The following SH3KBP1 variants were observed in gnomAD, a reference collection of about 807,000 sequenced individuals.
SH3KBP1 encodes the protein SH3 domain-containing kinase-binding protein 1.
A neutral mutation model predicts 50.1 loss-of-function variants in SH3KBP1; 8 were observed. That is an observed-to-expected ratio of 0.16 (90% CI 0.09 to 0.29). SH3KBP1 has a LOEUF of 0.29. SH3KBP1 is among the 10% of genes least tolerant of loss of function. SH3KBP1 has a pLI of 1.00. For synonymous variants in SH3KBP1, 227 were observed against 218.6 expected, an observed-to-expected ratio of 1.04 and a Z score of -0.34; for missense variants, 377 against 535.2, an observed-to-expected ratio of 0.70 and a Z score of 2.92.
intron 1 of SH3KBP1, among the ~76,000 whole-genome samples, chrX:19,845,911 G>A (rs1039227432): frequency 1.8e-5 from 2 of 111,745 alleles, no homozygotes; most frequent in African/African-American, 3.3e-5. Flanking sequence ...TGCCTGGCCC[G>A]ATATTCTTAT....
At chrX:19,648,703 T>C (rs1271251702) in intron 6 of SH3KBP1, among the ~76,000 whole-genome samples, 1 of 110,743 alleles carries the variant, frequency 9.0e-6, no homozygotes, top group African/African-American at 3.3e-5. Flanking sequence ...TTAAAGGACA[T>C]TTAGCAACCC....
chrX:19,783,107 G>C (rs909394426), intron 2 of SH3KBP1, among the ~76,000 whole-genome samples: 1 of 111,957 alleles, frequency 8.9e-6, no homozygotes, highest in African/African-American at 3.3e-5. Context: ...GTGACAGAGC[G>C]AGACCCTGTC....
At chrX:19,638,335 A>G (rs1309360628) in intron 7 of SH3KBP1, among the ~76,000 whole-genome samples, 2 of 102,398 alleles carry the variant, frequency 2.0e-5, no homozygotes, top group African/African-American at 7.4e-5. Flanking sequence ...GTGTGAACCC[A>G]GGAGGCGGAG....
intron 6 of SH3KBP1, among the ~76,000 whole-genome samples, chrX:19,676,104 G>A (rs1295246605): frequency 4.5e-5 from 5 of 111,718 alleles, no homozygotes; most frequent in African/African-American, 9.8e-5. Flanking sequence ...CAACCAAAAC[G>A]AGGGACAGCC....
chrX:19,781,155 T>C (rs1440396996), intron 2 of SH3KBP1, among the ~76,000 whole-genome samples: 1 of 111,365 alleles, frequency 9.0e-6, no homozygotes, highest in African/African-American at 3.3e-5. Context: ...ATATATTAAG[T>C]GGACAAGGGA....
At position 19,594,959 on chromosome X, in the gene SH3KBP1, T is replaced by C. The variant is rs1001501628; in HGVS notation, c.1047A>G (p.Lys349=). The change falls in exon 10 of 18, where the codon AAA becomes AAG. Residue 349 remains lysine, a synonymous_variant. Transcript: ENST00000397821. ...KPPPPSAPVI[K]QGAGTTERKH... ...TGAAAGGTACATTACCTGCCCCTTG[T>C]TTGATGACAGGAGCGGATGGAGGCG... 1 of 1,202,347 alleles carries C rather than the reference T, an allele frequency of 8.3e-7. No individual in the cohort carries two copies. Among genetic ancestry groups the C allele is most frequent in the Non-Finnish European group, 1.1e-6 (1 of 886,896 alleles).
At chrX:19,711,147 T>A (rs928528857) in intron 3 of SH3KBP1, among the ~76,000 whole-genome samples, 1 of 111,432 alleles carries the variant, frequency 9.0e-6, no homozygotes. Context: ...CACATCTGAC[T>A]GTTCTTAAGC....
intron 8 of SH3KBP1, among the ~76,000 whole-genome samples, chrX:19,623,507 GA>G (rs1173684659): frequency 3.6e-5 from 4 of 111,910 alleles, no homozygotes; most frequent in Non-Finnish European, 5.6e-5. Context: ...CCAACATGGT[GA>G]AACCCCGTCT....
At chrX:19,834,805 G>A (rs1472649203) in intron 2 of SH3KBP1, among the ~76,000 whole-genome samples, 4 of 110,886 alleles carry the variant, frequency 3.6e-5, no homozygotes, top group South Asian at 3.8e-4. Context: ...TGAGGTGGGC[G>A]GATCACTTGA....
intron 13 of SH3KBP1, among the ~76,000 whole-genome samples, chrX:19,568,728 G>A (rs912853188): frequency 1.4e-4 from 16 of 112,913 alleles, no homozygotes; most frequent in African/African-American, 5.1e-4. Flanking sequence ...CAAAAGTGCT[G>A]TATCAACAAT....
chrX:19,851,229 T>C (rs998595758), intron 1 of SH3KBP1, among the ~76,000 whole-genome samples: 4 of 112,364 alleles, frequency 3.6e-5, no homozygotes, highest in Non-Finnish European at 5.6e-5. Context: ...TCCAGATCTG[T>C]AGAAGTATCA....
In SH3KBP1 at chrX:19,628,286, C is replaced by T. The variant is rs186988555; in HGVS notation, c.897+3578G>A. On this transcript the variant is annotated intron_variant, in intron 8 of 17. Coordinates refer to ENST00000397821, the MANE Select transcript of SH3KBP1 (RefSeq NM_031892.3). ...CACAACAGCCCTTCCATTCCCACTTCCAGGGCCCAAGAAAGAGCAGCCAGG... is the reference window on the plus strand; with the variant it reads ...CACAACAGCCCTTCCATTCCCACTTTCAGGGCCCAAGAAAGAGCAGCCAGG... Among the ~76,000 whole-genome samples, 9 of 111,896 alleles carry T rather than the reference C, an allele frequency of 8.0e-5. No homozygotes were observed. In the East Asian group the frequency reaches 2.5e-3, roughly 31 times the overall value.
At chrX:19,879,201 C>T (rs752204310) in intron 1 of SH3KBP1, among the ~76,000 whole-genome samples, 4 of 112,304 alleles carry the variant, frequency 3.6e-5, no homozygotes, top group Admixed American at 9.4e-5. Flanking sequence ...GCCTTGATTG[C>T]GCCACTGCAC....
At chrX:19,722,812 AG>A (rs957337370) in intron 3 of SH3KBP1, among the ~76,000 whole-genome samples, 4 of 98,727 alleles carry the variant, frequency 4.1e-5, no homozygotes, top group Non-Finnish European at 6.1e-5. Context: ...GCATCTGACC[AG>A]TTCTTCAAAA....
chrX:19,877,380 T>G, intron 1 of SH3KBP1, among the ~76,000 whole-genome samples: 1 of 111,848 alleles, frequency 8.9e-6, no homozygotes, highest in Non-Finnish European at 1.9e-5. Context: ...TTGAGGTCCA[T>G]GAAGATGCTG....
In SH3KBP1 at chrX:19,723,781, C is replaced by T. The variant is rs189757462; in HGVS notation, c.287-16797G>A. On this transcript the variant is annotated intron_variant, in intron 3 of 17. Coordinates refer to ENST00000397821, the MANE Select transcript of SH3KBP1 (RefSeq NM_031892.3). The stretch of plus-strand genomic sequence containing the variant: ...CAAACTAGAAAATGTTTTAAAAGAG[C>T]AGAGAGGTGTAAACAACCCAATAGC... Among the ~76,000 whole-genome samples the T allele has an allele frequency of 2.0e-3, 220 of 111,405 alleles. 2 individuals carry two copies. Among genetic ancestry groups the T allele is most frequent in the Non-Finnish European group, 3.3e-3 (174 of 53,042 alleles).
chrX:19,799,907 G>T, intron 2 of SH3KBP1: 1 of 504,720 alleles, frequency 2.0e-6, no homozygotes, highest in Non-Finnish European at 2.4e-6. Flanking sequence ...CAAGTGAAAA[G>T]TAATCCAATC....
intron 11 of SH3KBP1, among the ~76,000 whole-genome samples, chrX:19,591,456 T>C (rs2066747102): frequency 9.0e-6 from 1 of 110,869 alleles, no homozygotes; most frequent in African/African-American, 3.3e-5. Flanking sequence ...CACATTAACC[T>C]ACTTTCCTGC....
chrX:19,792,825 G>A (rs1394238181), intron 2 of SH3KBP1, among the ~76,000 whole-genome samples: 1 of 108,788 alleles, frequency 9.2e-6, no homozygotes. Flanking sequence ...TGTGCTATTG[G>A]CATCTAGCGA....
Sources: gnomAD v4.1 joint callset for allele counts (sites outside exome capture counted in the v4.1 genomes callset) on GRCh38, gnomAD v4.1.1 for gene constraint, MANE v1.5 for transcripts, NCBI Gene and HGNC (gene_info 2026-07-23, HGNC 2026-07-21) for gene names.